SEPTIN9: variants seen among roughly 807,000 people sequenced by gnomAD.
The protein encoded by SEPTIN9 is septin 9.
SEPTIN9 carries 13 observed loss-of-function variants against 56.6 expected under a neutral mutation model. The ratio of observed to expected loss-of-function variants is 0.23; its 90% CI spans 0.15 to 0.37. The LOEUF is 0.37. SEPTIN9 is among the 10% of genes least tolerant of loss of function. The pLI is 1.00. For synonymous variants in SEPTIN9, 332 were observed against 334.1 expected, an observed-to-expected ratio of 0.99 and a Z score of 0.07; for missense variants, 650 against 823.1, an observed-to-expected ratio of 0.79 and a Z score of 2.57.
Position 77,429,315 on chromosome 17 carries a change from G to T in SEPTIN9, c.721+26612G>T, listed in dbSNP as rs774415668. The stretch of plus-strand genomic sequence containing the variant: ...GTCAGCACGCAGGCCTCCTGCCCTC[G>T]CCACGACTGGCTCCTGCAGCCCACC... On this transcript the variant is annotated intron_variant, in intron 3 of 11. Coordinates refer to ENST00000427177, the MANE Select transcript of SEPTIN9 (RefSeq NM_001113491.2). The surrounding 1 kb of genome is among the most constrained non-coding windows in gnomAD (Gnocchi z 5.2). 7 of 468,740 alleles carry T rather than the reference G, an allele frequency of 1.5e-5. No homozygotes were observed. The highest frequency in any genetic ancestry group is 2.7e-5 in the Non-Finnish European group (6 of 225,286). 29.0% of individuals were successfully genotyped at this position (468,740 alleles called of 1,614,324 possible).
chr17:77,395,089 T>A (rs1228358730), intron 2 of SEPTIN9, among the ~76,000 whole-genome samples: 2 of 151,912 alleles, frequency 1.3e-5, no homozygotes, highest in African/African-American at 4.8e-5. Flanking sequence ...TTTTTTTAAT[T>A]TTGTTTTTCC....
At chr17:77,320,718 G>A (rs977286888) in intron 2 of SEPTIN9, among the ~76,000 whole-genome samples, 1 of 152,244 alleles carries the variant, frequency 6.6e-6, no homozygotes, top group African/African-American at 2.4e-5. Context: ...GACCTGGCTG[G>A]TGGTTGGTTT....
chr17:77,438,295 T>C (rs2144326037), intron 3 of SEPTIN9, among the ~76,000 whole-genome samples: 1 of 152,282 alleles, frequency 6.6e-6, no homozygotes, highest in East Asian at 1.9e-4. Context: ...CCCAGTTCCT[T>C]AGTGGTGGAG....
intron 2 of SEPTIN9, among the ~76,000 whole-genome samples, chr17:77,385,976 C>T (rs769347939): frequency 2.6e-5 from 4 of 152,162 alleles, no homozygotes; most frequent in Admixed American, 1.3e-4. Context: ...ATTCCATGTC[C>T]GGGCTGGAAG....
At chr17:77,417,607 G>A (rs1270144554) in intron 3 of SEPTIN9, among the ~76,000 whole-genome samples, 2 of 152,194 alleles carry the variant, frequency 1.3e-5, no homozygotes, top group East Asian at 1.9e-4. Context: ...ACAAAAGCAC[G>A]TTTCTAACTG....
chr17:77,300,546 A>G (rs111244266), intron 1 of SEPTIN9, among the ~76,000 whole-genome samples: 97 of 152,280 alleles, frequency 6.4e-4, no homozygotes, highest in African/African-American at 2.2e-3. Context: ...TCCTTTGGAG[A>G]TAAGCTTGAG....
Position 77,499,750 on chromosome 17 carries a change from A to G in SEPTIN9, c.*1092A>G. 1 of 338,914 alleles carries G rather than the reference A, an allele frequency of 3.0e-6. No homozygotes were observed. The highest frequency in any genetic ancestry group is 8.6e-4 in the Middle Eastern group (1 of 1,166). 21.0% of individuals were successfully genotyped at this position (338,914 alleles called of 1,614,324 possible). On this transcript the variant is annotated 3_prime_UTR_variant, in exon 12 of 12. Coordinates refer to ENST00000427177, the MANE Select transcript of SEPTIN9 (RefSeq NM_001113491.2). The stretch of plus-strand genomic sequence containing the variant: ...TAATGCCCAGCCAGCCACCCCTGCC[A>G]CTCACCCTTCCTGGCCCAGGCCTTG...
chr17:77,466,450 T>A lies in SEPTIN9; in HGVS notation c.722-15694T>A, dbSNP rs1235574054. 3.0e-5 allele frequency: 30 copies of A among 985,390 alleles called. No homozygotes were observed. The Admixed American group carries it at 1.4e-3, about 44-fold the overall frequency. 61.0% of individuals were successfully genotyped at this position (985,390 alleles called of 1,614,324 possible). On this transcript the variant is annotated intron_variant, in intron 3 of 11. Transcript: ENST00000427177. ...GGCTCCCACCCCAGGAGCTTCCAGGTTCCGGCTGCTGCCTGTGTTAGCTGC... is the reference window on the plus strand; with the variant it reads ...GGCTCCCACCCCAGGAGCTTCCAGGATCCGGCTGCTGCCTGTGTTAGCTGC...
intron 2 of SEPTIN9, among the ~76,000 whole-genome samples, chr17:77,353,615 T>C (rs578200140): frequency 1.8e-4 from 28 of 152,232 alleles, no homozygotes; most frequent in Admixed American, 9.8e-4. Context: ...TGTAATGTTA[T>C]TGGGGATATG....
intron 2 of SEPTIN9, among the ~76,000 whole-genome samples, chr17:77,325,684 C>T (rs1472602845): frequency 6.6e-6 from 1 of 152,198 alleles, no homozygotes; most frequent in Non-Finnish European, 1.5e-5. Context: ...TCCAGCCTGT[C>T]CCCTTGCTCG....
intron 3 of SEPTIN9, among the ~76,000 whole-genome samples, chr17:77,477,053 C>T (rs1405940299): frequency 2.6e-5 from 4 of 152,130 alleles, no homozygotes; most frequent in Non-Finnish European, 5.9e-5. Flanking sequence ...GAAATGACTG[C>T]CTTCTTTCCC....
Position 77,329,970 on chromosome 17 carries a change from C to A in SEPTIN9, c.76+22773C>A, listed in dbSNP as rs1308784291. ...AGGTGGGTGGGGGCTGCAGTCCATGCCCCCGCTCCAGGCAACACAGTCGAG... is the reference window on the plus strand; with the variant it reads ...AGGTGGGTGGGGGCTGCAGTCCATGACCCCGCTCCAGGCAACACAGTCGAG... On this transcript the variant is annotated intron_variant, in intron 2 of 11. Coordinates refer to ENST00000427177, the MANE Select transcript of SEPTIN9 (RefSeq NM_001113491.2). This position sits in a 1 kb window ranked among gnomAD's most constrained non-coding sequence, Gnocchi z 4.3. Among the ~76,000 whole-genome samples the A allele has an allele frequency of 1.3e-5, 2 of 152,162 alleles. No individual in the cohort carries two copies. The highest frequency in any genetic ancestry group is 2.9e-5 in the Non-Finnish European group (2 of 68,006).
intron 3 of SEPTIN9, among the ~76,000 whole-genome samples, chr17:77,438,726 T>G (rs12602788): frequency 0.049 from 7,494 of 152,014 alleles, 426 homozygotes; most frequent in African/African-American, 0.14. Context: ...TGAGGTGGAG[T>G]GTGGGACTAA....
chr17:77,341,898 C>T (rs1183203248), intron 2 of SEPTIN9, among the ~76,000 whole-genome samples: 3 of 149,630 alleles, frequency 2.0e-5, no homozygotes, highest in African/African-American at 4.9e-5. Context: ...CTGGCTAACA[C>T]GATGAAACCC....
chr17:77,347,173 T>A (rs908505417), intron 2 of SEPTIN9, among the ~76,000 whole-genome samples: 3 of 151,548 alleles, frequency 2.0e-5, no homozygotes, highest in Non-Finnish European at 4.4e-5. Context: ...AGGTCAGGAG[T>A]TTGAGACCAG....
chr17:77,309,151 G>C (rs949802532), intron 2 of SEPTIN9, among the ~76,000 whole-genome samples: 3 of 152,242 alleles, frequency 2.0e-5, no homozygotes, highest in African/African-American at 7.2e-5. Flanking sequence ...GTTCTTGTGG[G>C]GGTTGCATCT....
chr17:77,288,168 G>A (rs2031361246), intron 1 of SEPTIN9: 1 of 1,059,288 alleles, frequency 9.4e-7, no homozygotes, highest in Admixed American at 5.4e-5. Context: ...AGGCAGGAGT[G>A]TCATCTTTTC....
At chr17:77,359,728 C>T (rs187319483) in intron 2 of SEPTIN9, among the ~76,000 whole-genome samples, 10 of 152,096 alleles carry the variant, frequency 6.6e-5, no homozygotes, top group African/African-American at 2.4e-4. Context: ...CCTAGGAGTT[C>T]GAGGCTGCAG....
chr17:77,301,543 G>A (rs1187364088), intron 1 of SEPTIN9, among the ~76,000 whole-genome samples: 1 of 152,038 alleles, frequency 6.6e-6, no homozygotes, highest in Non-Finnish European at 1.5e-5. Flanking sequence ...TTCTGCCTCA[G>A]CTTCCTGAGT....
Sources: allele counts gnomAD v4.1 joint callset (sites outside exome capture counted in the v4.1 genomes callset), GRCh38; gene constraint gnomAD v4.1.1; non-coding constraint Gnocchi (gnomAD v3.1); transcripts MANE v1.5; gene names NCBI Gene and HGNC (gene_info 2026-07-23, HGNC 2026-07-21).